Variants in SCN8A observed in about 807,000 individuals in gnomAD.
SCN8A encodes the protein sodium channel protein type 8 subunit alpha.
Under a neutral mutation model 184.1 loss-of-function variants are expected in SCN8A, and 30 were observed. The ratio of observed to expected loss-of-function variants is 0.16; its 90% CI spans 0.12 to 0.22. SCN8A has a LOEUF of 0.22. Among genes scored for constraint, SCN8A ranks in the 10% least tolerant of loss-of-function variants. SCN8A has a pLI of 1.00. For synonymous variants in SCN8A, 852 were observed against 907.0 expected (o/e 0.94, Z 1.09); for missense variants, 1,057 against 2,498.9 (o/e 0.42, Z 12.30).
chr12:51,678,268 C>G (rs1349837163), intron 2 of SCN8A, among the ~76,000 whole-genome samples: 2 of 152,194 alleles, frequency 1.3e-5, no homozygotes, highest in African/African-American at 2.4e-5. Context: ...TGACGCAGTT[C>G]TGCCTTGGGG....
chr12:51,600,317 G>A (rs951363039), intron 1 of SCN8A, among the ~76,000 whole-genome samples: 2 of 152,064 alleles, frequency 1.3e-5, no homozygotes, highest in African/African-American at 2.4e-5. Flanking sequence ...TATAGACTTG[G>A]TAAATGACTC....
rs368796221 is a variant in SCN8A, at chr12:51,807,247, A to G, written c.5761A>G (p.Thr1921Ala). The change falls in exon 27 of 27, where the codon ACT (threonine) becomes GCT (alanine). Residue 1921 changes from threonine to alanine, a missense_variant. Physicochemically the swap from Thr to Ala is moderately conservative, Grantham distance 58. Transcript: ENST00000627620. The surrounding 1 kb of genome is among the most constrained non-coding windows in gnomAD (Gnocchi z 4.5). ...ARRGFICKKT[T>A]SNKLENGGTH... ...GCGGGGCTTCATCTGCAAAAAGACAACTTCTAATAAGCTGGAGAATGGAGG... is the reference window on the plus strand; with the variant it reads ...GCGGGGCTTCATCTGCAAAAAGACAGCTTCTAATAAGCTGGAGAATGGAGG... 11 of 1,614,004 alleles carry G rather than the reference A, an allele frequency of 6.8e-6. No homozygotes were observed. In the South Asian group the frequency reaches 7.7e-5, roughly 11 times the overall value.
chr12:51,625,979 A>G (rs988693756), intron 1 of SCN8A, among the ~76,000 whole-genome samples: 1 of 152,164 alleles, frequency 6.6e-6, no homozygotes, highest in Non-Finnish European at 1.5e-5. Flanking sequence ...CATTGAAAGG[A>G]AAGTTTATTA....
intron 14 of SCN8A, among the ~76,000 whole-genome samples, chr12:51,759,722 A>G (rs896064607): frequency 1.3e-5 from 2 of 152,232 alleles, no homozygotes; most frequent in African/African-American, 4.8e-5. Flanking sequence ...CATAAATTCT[A>G]AAGTGAATAT....
At chr12:51,624,000 C>A (rs1394025368) in intron 1 of SCN8A, among the ~76,000 whole-genome samples, 1 of 152,186 alleles carries the variant, frequency 6.6e-6, no homozygotes, top group Non-Finnish European at 1.5e-5. Flanking sequence ...TTTTCTTAAT[C>A]CAGTCTATCA....
chr12:51,764,761 A>G (rs1428914874), intron 15 of SCN8A, among the ~76,000 whole-genome samples: 6 of 151,860 alleles, frequency 4.0e-5, no homozygotes, highest in Non-Finnish European at 8.8e-5. Flanking sequence ...TCTGAATAAC[A>G]GTATAGGCTC....
At chr12:51,685,153 TCTGAAAC>T (rs1201195857) in intron 3 of SCN8A, among the ~76,000 whole-genome samples, 1 of 152,188 alleles carries the variant, frequency 6.6e-6, no homozygotes, top group African/African-American at 2.4e-5. Flanking sequence ...GCAACACACT[TCTGAAAC>T]CTGAAAGTTT....
chr12:51,729,924 C>G (rs1386131361), intron 12 of SCN8A, among the ~76,000 whole-genome samples: 1 of 151,924 alleles, frequency 6.6e-6, no homozygotes, highest in Non-Finnish European at 1.5e-5. Flanking sequence ...TTATCTTTTC[C>G]TATGTTTTTT....
chr12:51,653,839 G>T (rs942849892), intron 1 of SCN8A, among the ~76,000 whole-genome samples: 1 of 152,158 alleles, frequency 6.6e-6, no homozygotes. Context: ...GTTATTTTCT[G>T]TGTGTATGTG....
intron 12 of SCN8A, among the ~76,000 whole-genome samples, chr12:51,727,109 G>C (rs1445976129): frequency 6.6e-6 from 1 of 152,232 alleles, no homozygotes; most frequent in Non-Finnish European, 1.5e-5. Context: ...TGCAGCTATT[G>C]TAGGATATCT....
intron 15 of SCN8A, among the ~76,000 whole-genome samples, chr12:51,764,986 G>T (rs1942816130): frequency 6.6e-6 from 1 of 151,838 alleles, no homozygotes; most frequent in Non-Finnish European, 1.5e-5. Flanking sequence ...ATGTTGGCCA[G>T]GCTGGTCTCG....
intron 1 of SCN8A, among the ~76,000 whole-genome samples, chr12:51,621,658 A>G (rs1939966044): frequency 6.6e-6 from 1 of 152,196 alleles, no homozygotes; most frequent in Non-Finnish European, 1.5e-5. Flanking sequence ...GATTTCTTTA[A>G]TTCTGTGTCA....
Position 51,770,689 on chromosome 12 carries a change from G to T in SCN8A, c.3645+6G>T, listed in dbSNP as rs749156537. The T allele has an allele frequency of 6.2e-7, 1 of 1,613,406 alleles. No individual in the cohort carries two copies. The highest frequency in any genetic ancestry group is 1.7e-5 in the Admixed American group (1 of 60,010). ...TGCTGAGCAGTGGCGCCCTGGTGAGGTCCAGGGGAGAGTGTGAGGAGGGAT... is the reference window on the plus strand; with the variant it reads ...TGCTGAGCAGTGGCGCCCTGGTGAGTTCCAGGGGAGAGTGTGAGGAGGGAT... On this transcript the variant is annotated splice_donor_region_variant and intron_variant, in intron 19 of 26. Coordinates refer to ENST00000627620, the MANE Select transcript of SCN8A (RefSeq NM_001330260.2).
intron 10 of SCN8A, 30 bp from the exon 11 acceptor site, chr12:51,706,392 C>T: frequency 6.6e-7 from 1 of 1,510,624 alleles, no homozygotes. Context: ...TTGCCCTGGT[C>T]TGGCTTCCCT....
intron 1 of SCN8A, among the ~76,000 whole-genome samples, chr12:51,661,532 A>G (rs1356637424): frequency 1.3e-5 from 2 of 152,172 alleles, no homozygotes; most frequent in Non-Finnish European, 2.9e-5. Flanking sequence ...AGTTAACTCT[A>G]CTACTGTTCT....
intron 3 of SCN8A, among the ~76,000 whole-genome samples, chr12:51,685,930 A>C (rs1228901678): frequency 6.6e-6 from 1 of 152,204 alleles, no homozygotes. Context: ...TTTTCAAATA[A>C]CTAGCTATAT....
chr12:51,683,732 T>C (rs1941373611), intron 2 of SCN8A, among the ~76,000 whole-genome samples: 1 of 152,210 alleles, frequency 6.6e-6, no homozygotes, highest in Admixed American at 6.5e-5. Context: ...TTGTCTGTCT[T>C]TCCCACTAGA....
rs1942063220 is a variant in SCN8A at position 51,721,619 on chromosome 12, G to A, written c.1709G>A (p.Gly570Glu). 1 of 1,613,138 alleles carries A rather than the reference G, an allele frequency of 6.2e-7. No individual in the cohort carries two copies. The change falls in exon 12 of 27, where the codon GGA becomes GAA. Residue 570 changes from glycine to glutamate, a missense_variant. Gly to Glu is a moderately conservative substitution (Grantham distance 98). This residue lies in a region of SCN8A where 322 missense variants were observed against 390.1 expected (regional missense o/e 0.83). Transcript: ENST00000627620. ...NSKSSIFSFR[G>E]PGRFRDPGSE... ...AAGAGCAGCATCTTCAGTTTCAGGG[G>A]ACCTGGGCGGTTCCGAGACCCGGGC...
Position 51,809,573 on chromosome 12 carries a change from G to A in SCN8A, c.*2144G>A, listed in dbSNP as rs1162355057. 1 of 152,188 alleles carries A rather than the reference G, an allele frequency of 6.6e-6. No homozygotes were observed. Among genetic ancestry groups the A allele is most frequent in the East Asian group, 1.9e-4 (1 of 5,202 alleles). 9.4% of individuals were successfully genotyped at this position (152,188 alleles called of 1,614,324 possible). On this transcript the variant is annotated 3_prime_UTR_variant, in exon 27 of 27. Coordinates refer to ENST00000627620, the MANE Select transcript of SCN8A (RefSeq NM_001330260.2). ...CTACACCCAATACCAGACTGGGAAG[G>A]CCTATCTTTCAGTGACCCTGCTAAC... is the stretch of plus-strand genomic sequence containing the variant.
Sources: gnomAD v4.1 joint callset for allele counts (sites outside exome capture counted in the v4.1 genomes callset) on GRCh38, gnomAD v4.1.1 for gene constraint, gnomAD v4.1.1 regional missense constraint, Gnocchi (gnomAD v3.1) non-coding constraint, MANE v1.5 for transcripts, NCBI Gene and HGNC (gene_info 2026-07-23, HGNC 2026-07-21) for gene names.